CSMD3: variants seen among roughly 807,000 people sequenced by gnomAD.
The protein encoded by CSMD3 is CUB and Sushi multiple domains 3.
A neutral mutation model predicts 435.2 loss-of-function variants in CSMD3; 177 were observed. The observed-to-expected ratio is 0.41, with a 90% CI of 0.36 to 0.46. The LOEUF is 0.46. CSMD3 is among the 20% of genes least tolerant of loss of function. The pLI, the probability that CSMD3 is intolerant of heterozygous loss-of-function variation, is 0.34. For synonymous variants in CSMD3, 1,656 were observed against 1,520.5 expected (o/e 1.09, Z -2.07); for missense variants, 4,265 against 4,504.6 (o/e 0.95, Z 1.52).
At chr8:112,418,674 C>T (rs1812164559) in intron 32 of CSMD3, among the ~76,000 whole-genome samples, 1 of 152,074 alleles carries the variant, frequency 6.6e-6, no homozygotes, top group Non-Finnish European at 1.5e-5. Context: ...TCTTAAAAAT[C>T]AGTACCAAAT....
intron 1 of CSMD3, among the ~76,000 whole-genome samples, chr8:113,426,459 A>G (rs2094636150): frequency 1.3e-5 from 2 of 151,322 alleles, no homozygotes; most frequent in Admixed American, 1.3e-4. Flanking sequence ...ATATCCTTCA[A>G]ATAAGATAAC....
chr8:113,274,440 C>A (rs143585878), intron 3 of CSMD3, among the ~76,000 whole-genome samples: 2 of 152,142 alleles, frequency 1.3e-5, no homozygotes, highest in African/African-American at 4.8e-5. Flanking sequence ...TCTTACTTGT[C>A]CACGATGAAG....
At chr8:112,713,544 G>C in intron 13 of CSMD3, among the ~76,000 whole-genome samples, 1 of 151,932 alleles carries the variant, frequency 6.6e-6, no homozygotes, top group East Asian at 1.9e-4. Context: ...TAGCAAGAGA[G>C]GCTAACATTC....
intron 68 of CSMD3, among the ~76,000 whole-genome samples, chr8:112,232,424 A>G (rs1351334186): frequency 5.9e-5 from 9 of 152,134 alleles, no homozygotes; most frequent in Non-Finnish European, 1.2e-4. Flanking sequence ...CCTAGCCAAC[A>G]TGGTAAAACC....
chr8:113,281,109 G>A (rs2093610084), intron 2 of CSMD3, among the ~76,000 whole-genome samples: 1 of 151,844 alleles, frequency 6.6e-6, no homozygotes, highest in African/African-American at 2.4e-5. Flanking sequence ...CTTGTAGAAA[G>A]TTTCATGCAT....
chr8:112,754,324 A>G (rs1331538577), intron 13 of CSMD3, among the ~76,000 whole-genome samples: 1 of 152,182 alleles, frequency 6.6e-6, no homozygotes, highest in Non-Finnish European at 1.5e-5. Context: ...TCTCCTTTCG[A>G]AATATACAAA....
intron 52 of CSMD3, among the ~76,000 whole-genome samples, chr8:112,302,403 A>G (rs959878048): frequency 1.8e-4 from 28 of 152,158 alleles, no homozygotes; most frequent in African/African-American, 6.0e-4. Context: ...AATAATAATT[A>G]CAATATAATT....
chr8:112,386,590 C>T (rs1311455818), intron 36 of CSMD3, among the ~76,000 whole-genome samples: 1 of 152,134 alleles, frequency 6.6e-6, no homozygotes, highest in Non-Finnish European at 1.5e-5. Flanking sequence ...CTCTGCCTCC[C>T]GGGTTCACGT....
At chr8:112,504,207 A>T (rs1205723017) in intron 29 of CSMD3, among the ~76,000 whole-genome samples, 1 of 152,146 alleles carries the variant, frequency 6.6e-6, no homozygotes, top group African/African-American at 2.4e-5. Context: ...CATATTTTTT[A>T]AGTTGACATT....
intron 8 of CSMD3, among the ~76,000 whole-genome samples, chr8:112,951,119 A>C (rs536651516): frequency 2.0e-5 from 3 of 151,978 alleles, no homozygotes; most frequent in East Asian, 3.9e-4. Flanking sequence ...AAAAAAGTGC[A>C]ATCTATCTTT....
chr8:113,242,727 G>C (rs1563594301), intron 3 of CSMD3, among the ~76,000 whole-genome samples: 1 of 151,918 alleles, frequency 6.6e-6, no homozygotes, highest in Non-Finnish European at 1.5e-5. Flanking sequence ...ATGTTAACAT[G>C]TATATGTTTT....
At chr8:112,455,306 A>AGGCC (rs1273671599) in intron 32 of CSMD3, among the ~76,000 whole-genome samples, 1 of 151,832 alleles carries the variant, frequency 6.6e-6, no homozygotes, top group Admixed American at 6.6e-5. Flanking sequence ...ATGCAACTGT[A>AGGCC]GGCCGTTATC....
rs774744591 is a variant in CSMD3 at position 113,195,791 on chromosome 8, T to TTTTATATA, written c.515-21876_515-21875insTATATAAA. ...ATATATAATATTCATATCCTATATTTTATATATATATATATATATATATAC... is the reference window on the plus strand; with the variant it reads ...ATATATAATATTCATATCCTATATTTTTTATATATATATATATATATATATATATATAC... On this transcript the variant is annotated intron_variant, in intron 3 of 70. Transcript: ENST00000297405. Among the ~76,000 whole-genome samples the TTTTATATA allele has an allele frequency of 1.2e-4, 15 of 126,020 alleles. 1 individual carries two copies. In the East Asian group the frequency reaches 3.5e-3, roughly 29 times the overall value. The allele number at this position is 126,020 out of a possible 152,430, so 82.7% of individuals were successfully genotyped here. A position where few individuals can be genotyped will look rare whatever the true frequency, so the allele number is the denominator to read the frequency against.
intron 2 of CSMD3, among the ~76,000 whole-genome samples, chr8:113,306,244 C>G (rs2093820257): frequency 6.6e-6 from 1 of 152,122 alleles, no homozygotes; most frequent in African/African-American, 2.4e-5. Context: ...GACAGTAGAG[C>G]CTCTGCGTTT....
intron 10 of CSMD3, among the ~76,000 whole-genome samples, chr8:112,873,222 T>A (rs1303467611): frequency 6.6e-6 from 1 of 151,966 alleles, no homozygotes; most frequent in East Asian, 1.9e-4. Flanking sequence ...CAGCTAGAAC[T>A]AACCATTAAA....
intron 1 of CSMD3, among the ~76,000 whole-genome samples, chr8:113,338,560 C>T (rs1312869383): frequency 1.3e-5 from 2 of 151,844 alleles, no homozygotes; most frequent in Non-Finnish European, 2.9e-5. Flanking sequence ...TAAAATAAAG[C>T]ACTGATACTT....
chr8:112,247,026 A>G lies in CSMD3; in HGVS notation c.10216T>C (p.Cys3406Arg), dbSNP rs137863397. The change falls in exon 64 of 71, where the codon TGC (cysteine) becomes CGC (arginine). Residue 3406 changes from cysteine to arginine, a missense_variant. This residue lies in a region of CSMD3 where 3,255 missense variants were observed against 3,380.2 expected (regional missense o/e 0.96). Coordinates refer to ENST00000297405, the MANE Select transcript of CSMD3 (RefSeq NM_198123.2). ...TCTTATCCATAATACTTACGTATGC[A>G]TTCAGGCTGAATCCCACTCCACGTA... ...DLTWSGIQPECIPHSCKQPET... is the reference protein window; with the variant it reads ...DLTWSGIQPERIPHSCKQPET... 6.2e-7 allele frequency: 1 copy of G among 1,608,598 alleles called. No homozygotes were observed. Among genetic ancestry groups the G allele is most frequent in the African/African-American group, 1.3e-5 (1 of 74,820 alleles).
Position 112,304,819 on chromosome 8 carries a change from A to G in CSMD3, c.8168T>C (p.Phe2723Ser). ...TCCATGATAACCAGGGTCACAGCTG[A>G]AAACTACTTTGGTTTTGTATTCATA... The part of the protein sequence containing the change: ...SHYEYKTKVV[F>S]SCDPGYHGLG... Residue 2723 changes from phenylalanine to serine, a missense_variant, in exon 52 of 71, where the codon TTC (phenylalanine) becomes TCC (serine). Physicochemically the swap from Phe to Ser is radical, Grantham distance 155. Around this residue, in one of 3 missense-constraint regions of CSMD3, gnomAD observed 3,255 missense variants for 3,380.2 expected, o/e 0.96. Transcript: ENST00000297405. 1 of 1,613,964 alleles carries G rather than the reference A, an allele frequency of 6.2e-7. No individual in the cohort carries two copies. The highest frequency in any genetic ancestry group is 2.2e-5 in the East Asian group (1 of 44,840).
At chr8:112,931,743 C>T (rs555396818) in intron 9 of CSMD3, among the ~76,000 whole-genome samples, 1 of 152,072 alleles carries the variant, frequency 6.6e-6, no homozygotes, top group Admixed American at 6.6e-5. Context: ...AATCAAACAA[C>T]TCAATAGCAA....
Sources: allele counts gnomAD v4.1 joint callset (sites outside exome capture counted in the v4.1 genomes callset), GRCh38; gene constraint gnomAD v4.1.1; regional missense constraint gnomAD v4.1.1; transcripts MANE v1.5; gene names NCBI Gene and HGNC (gene_info 2026-07-23, HGNC 2026-07-21).